ROBO1: variants seen among roughly 807,000 people sequenced by gnomAD.
ROBO1 encodes roundabout homolog 1.
Under a neutral mutation model 195.9 loss-of-function variants are expected in ROBO1, and 149 were observed. That is an observed-to-expected ratio of 0.76 (90% CI 0.67 to 0.87). The LOEUF (loss-of-function observed/expected upper bound fraction) is 0.87. Ranked by LOEUF, ROBO1 falls within the 40% of genes least tolerant of loss-of-function variation. The pLI is 0.00. For synonymous variants in ROBO1, 816 were observed against 733.2 expected (o/e 1.11, Z -1.82); for missense variants, 1,933 against 2,068.3 (o/e 0.93, Z 1.27).
chr3:79,236,754 G>C (rs1473710470), intron 2 of ROBO1, among the ~76,000 whole-genome samples: 1 of 152,132 alleles, frequency 6.6e-6, no homozygotes, highest in African/African-American at 2.4e-5. Flanking sequence ...AAAAATAATT[G>C]AGTAATGTAC....
At chr3:78,990,734 T>A (rs2077218222) in intron 3 of ROBO1, among the ~76,000 whole-genome samples, 1 of 152,114 alleles carries the variant, frequency 6.6e-6, no homozygotes, top group African/African-American at 2.4e-5. Context: ...ACACATTTTA[T>A]ACATAAACTA....
intron 2 of ROBO1, among the ~76,000 whole-genome samples, chr3:79,546,480 T>C (rs1188240338): frequency 6.6e-6 from 1 of 152,190 alleles, no homozygotes; most frequent in African/African-American, 2.4e-5. Flanking sequence ...ATTGACTTTT[T>C]TTGTCAAAAC....
chr3:78,937,760 C>T (rs1383832140), intron 4 of ROBO1, among the ~76,000 whole-genome samples: 2 of 152,082 alleles, frequency 1.3e-5, no homozygotes, highest in African/African-American at 4.8e-5. Flanking sequence ...CACCTGTTTT[C>T]TTCCAAAGGC....
chr3:78,887,421 T>C (rs999173563), intron 4 of ROBO1, among the ~76,000 whole-genome samples: 2 of 152,134 alleles, frequency 1.3e-5, no homozygotes, highest in African/African-American at 2.4e-5. Context: ...ACATAAGCTA[T>C]AAAGATGTAG....
intron 2 of ROBO1, among the ~76,000 whole-genome samples, chr3:79,473,309 G>C (rs1183435462): frequency 6.6e-6 from 1 of 152,080 alleles, no homozygotes; most frequent in African/African-American, 2.4e-5. Flanking sequence ...AGGGTTGCCA[G>C]CAGCCACTGG....
chr3:78,722,430 T>G (rs975372472), intron 5 of ROBO1, among the ~76,000 whole-genome samples: 1 of 152,150 alleles, frequency 6.6e-6, no homozygotes, highest in African/African-American at 2.4e-5. Flanking sequence ...TAAAAGCATA[T>G]GGTTACACAG....
intron 4 of ROBO1, among the ~76,000 whole-genome samples, chr3:78,748,299 G>GCCAGGCA (rs2082706604): frequency 6.6e-6 from 1 of 152,052 alleles, no homozygotes; most frequent in African/African-American, 2.4e-5. Context: ...TACAAAATTA[G>GCCAGGCA]CCAGGCACAG....
Position 79,644,789 on chromosome 3 carries a change from C to T in ROBO1, c.-50-54828G>A, listed in dbSNP as rs192688699. Among the ~76,000 whole-genome samples, 852 of 152,112 alleles carry T rather than the reference C, an allele frequency of 5.6e-3. 5 individuals carry two copies. The highest frequency in any genetic ancestry group is 0.018 in the African/African-American group (738 of 41,496). On this transcript the variant is annotated intron_variant, in intron 1 of 30. Transcript: ENST00000464233. The stretch of plus-strand genomic sequence containing the variant: ...TTTTCATCAGTACATGGAACATTCT[C>T]CAGAATAGATCATGTTTTAGGCCAC...
At chr3:78,790,574 A>G (rs543502126) in intron 4 of ROBO1, among the ~76,000 whole-genome samples, 2 of 152,162 alleles carry the variant, frequency 1.3e-5, no homozygotes, top group African/African-American at 2.4e-5. Flanking sequence ...ATGCTTACTA[A>G]CAATTTTTTG....
intron 4 of ROBO1, among the ~76,000 whole-genome samples, chr3:78,801,263 C>A (rs1003895466): frequency 6.6e-6 from 1 of 152,068 alleles, no homozygotes; most frequent in Non-Finnish European, 1.5e-5. Context: ...CATTTCTGTT[C>A]TTTTTGCTAA....
intron 2 of ROBO1, among the ~76,000 whole-genome samples, chr3:79,482,708 G>A (rs745520720): frequency 3.9e-5 from 6 of 152,138 alleles, no homozygotes; most frequent in Admixed American, 2.6e-4. Flanking sequence ...TATAAAATAA[G>A]TGCAAAATAA....
intron 1 of ROBO1, among the ~76,000 whole-genome samples, chr3:79,592,445 C>A (rs1347536521): frequency 6.6e-6 from 1 of 151,774 alleles, no homozygotes. Flanking sequence ...TAAGGTAGTA[C>A]CCAGAAATCA....
At chr3:78,886,029 G>A (rs1329004487) in intron 4 of ROBO1, among the ~76,000 whole-genome samples, 3 of 147,492 alleles carry the variant, frequency 2.0e-5, no homozygotes, top group African/African-American at 7.5e-5. Context: ...TTTGTAAAAC[G>A]TCTTCTAACA....
chr3:78,627,835 T>C (rs887359620), intron 25 of ROBO1, among the ~76,000 whole-genome samples: 7 of 152,198 alleles, frequency 4.6e-5, no homozygotes, highest in Non-Finnish European at 1.0e-4. Flanking sequence ...CATGGCTTAA[T>C]TTAGTACAGC....
intron 3 of ROBO1, among the ~76,000 whole-genome samples, chr3:79,116,800 GA>G (rs1487406613): frequency 6.6e-6 from 1 of 151,958 alleles, no homozygotes; most frequent in African/African-American, 2.4e-5. Context: ...TTAGAGGCAT[GA>G]GCTACCAGGT....
At chr3:79,079,747 CCAT>C (rs1304824521) in intron 3 of ROBO1, among the ~76,000 whole-genome samples, 1 of 151,532 alleles carries the variant, frequency 6.6e-6, no homozygotes, top group African/African-American at 2.4e-5. Context: ...TGTATCCACA[CCAT>C]AAGACAGGGT....
intron 2 of ROBO1, among the ~76,000 whole-genome samples, chr3:79,200,459 TTTTG>T (rs1331404064): frequency 6.6e-6 from 1 of 151,808 alleles, no homozygotes; most frequent in Non-Finnish European, 1.5e-5. Context: ...GGTACCTTAA[TTTTG>T]CTAACTCTTA....
chr3:79,108,131 T>C (rs906324629), intron 3 of ROBO1, among the ~76,000 whole-genome samples: 10 of 151,740 alleles, frequency 6.6e-5, no homozygotes, highest in Middle Eastern at 3.2e-3. Flanking sequence ...TAAGTGAATA[T>C]AGTATGTGTG....
chr3:79,728,212 C>T (rs969062047), intron 1 of ROBO1, among the ~76,000 whole-genome samples: 2 of 151,768 alleles, frequency 1.3e-5, no homozygotes, highest in African/African-American at 4.8e-5. Context: ...GTTCCTAGTA[C>T]TCCACTCTCT....
Sources: gnomAD v4.1 joint callset for allele counts (sites outside exome capture counted in the v4.1 genomes callset) on GRCh38, gnomAD v4.1.1 for gene constraint, MANE v1.5 for transcripts, NCBI Gene and HGNC (gene_info 2026-07-23, HGNC 2026-07-21) for gene names.